USH2A: variants seen among roughly 807,000 people sequenced by gnomAD.
USH2A encodes Usher syndrome 2A (autosomal recessive, mild).
USH2A carries 443 observed loss-of-function variants against 538.9 expected under a neutral mutation model. That is an observed-to-expected ratio of 0.82 (90% CI 0.76 to 0.89). The LOEUF is 0.89. Ranked by LOEUF, USH2A falls within the 40% of genes least tolerant of loss-of-function variation. The pLI is 0.00. For synonymous variants in USH2A, 2,413 were observed against 2,273.5 expected (o/e 1.06, Z -1.75); for missense variants, 6,633 against 6,324.8 (o/e 1.05, Z -1.65).
chr1:216,294,275 TA>T (rs2037061448), intron 9 of USH2A, among the ~76,000 whole-genome samples: 1 of 152,076 alleles, frequency 6.6e-6, no homozygotes, highest in African/African-American at 2.4e-5. Context: ...GGTAGAAAAT[TA>T]AAAGCACTGG....
chr1:216,413,758 G>A (rs2039531077), intron 3 of USH2A, among the ~76,000 whole-genome samples: 1 of 152,010 alleles, frequency 6.6e-6, no homozygotes, highest in Admixed American at 6.6e-5. Context: ...ATGTGAACAA[G>A]CCCAATGCTA....
chr1:215,805,823 A>T (rs4418568), intron 49 of USH2A, among the ~76,000 whole-genome samples: 9,812 of 149,690 alleles, frequency 0.066, 388 homozygotes, highest in Non-Finnish European at 0.088. Context: ...AAGAAAAAAA[A>T]TTCAGACCAC....
chr1:215,836,497 T>TAA (rs1229006507), intron 47 of USH2A, among the ~76,000 whole-genome samples: 1 of 16,828 alleles, frequency 5.9e-5, no homozygotes, highest in Admixed American at 1.6e-3. Context: ...ATTATATATA[T>TAA]AATATATATT....
intron 32 of USH2A, among the ~76,000 whole-genome samples, chr1:216,016,327 G>T (rs745644787): frequency 5.4e-4 from 82 of 151,880 alleles, no homozygotes; most frequent in Non-Finnish European, 1.0e-3. Context: ...ATGTACCCTA[G>T]AACTTAAAGT....
chr1:216,182,833 A>G (rs1186188435), intron 20 of USH2A, among the ~76,000 whole-genome samples: 1 of 152,056 alleles, frequency 6.6e-6, no homozygotes, highest in African/African-American at 2.4e-5. Context: ...AAGCTGCCAG[A>G]TCCCAGTTCC....
intron 35 of USH2A, among the ~76,000 whole-genome samples, chr1:215,990,612 G>C (rs1213429054): frequency 6.6e-6 from 1 of 152,070 alleles, no homozygotes; most frequent in Non-Finnish European, 1.5e-5. Context: ...AGTTCACATA[G>C]TCAAGAGAAG....
chr1:216,406,608 T>C (rs1388823757), intron 3 of USH2A, among the ~76,000 whole-genome samples: 1 of 152,310 alleles, frequency 6.6e-6, no homozygotes, highest in East Asian at 1.9e-4. Context: ...GTTTCTTTAA[T>C]ATTTATAAAT....
intron 60 of USH2A, among the ~76,000 whole-genome samples, chr1:215,732,415 T>C (rs1158494245): frequency 6.6e-6 from 1 of 152,212 alleles, no homozygotes; most frequent in African/African-American, 2.4e-5. Context: ...TTTTATATTC[T>C]AGTTATCATC....
At chr1:216,420,870 T>A (rs1205241616) in intron 2 of USH2A, among the ~76,000 whole-genome samples, 9 of 152,140 alleles carry the variant, frequency 5.9e-5, no homozygotes, top group African/African-American at 2.2e-4. Flanking sequence ...CTTGGCAAAT[T>A]GAAACTAAAC....
At chr1:216,166,438 G>A (rs770711716) in intron 21 of USH2A, among the ~76,000 whole-genome samples, 26 of 152,116 alleles carry the variant, frequency 1.7e-4, no homozygotes, top group Non-Finnish European at 3.4e-4. Flanking sequence ...GGCATCTCTC[G>A]CTGGGAAACC....
At chr1:215,734,866 G>A (rs978876542) in intron 60 of USH2A, among the ~76,000 whole-genome samples, 1 of 152,196 alleles carries the variant, frequency 6.6e-6, no homozygotes, top group African/African-American at 2.4e-5. Context: ...TCAGCATTTT[G>A]GTGAGAACCA....
chr1:216,217,302 T>C, intron 15 of USH2A, 85 bp downstream of exon 15: 1 of 1,559,714 alleles, frequency 6.4e-7, no homozygotes, highest in South Asian at 1.2e-5. Context: ...TTCTGATGGG[T>C]TCTAAATGGA....
rs1017844911 is a variant in USH2A, at chr1:215,722,275, C to T, written c.12066+5755G>A. Among the ~76,000 whole-genome samples, 2 of 152,014 alleles carry T rather than the reference C, an allele frequency of 1.3e-5. 1 individual carries two copies. The highest frequency in any genetic ancestry group is 1.3e-4 in the Admixed American group (2 of 15,258). On this transcript the variant is annotated intron_variant, in intron 61 of 71. Coordinates refer to ENST00000307340, the MANE Select transcript of USH2A (RefSeq NM_206933.4). ...TTCTTCACATTAGAAAGATAGTCAC[C>T]AAAGGAGTCCTTTTAGAAAGCTACA...
chr1:215,907,088 T>C (rs1665658258), intron 38 of USH2A, among the ~76,000 whole-genome samples: 2 of 151,970 alleles, frequency 1.3e-5, no homozygotes, highest in Non-Finnish European at 2.9e-5. Context: ...TGGAAAGCTC[T>C]TTCTGATGTA....
chr1:216,046,577 T>TG lies in USH2A; in HGVS notation c.6178dup (p.Gln2060ProfsTer43), dbSNP rs1553294144. 6.2e-7 allele frequency: 1 copy of TG among 1,613,854 alleles called. No individual in the cohort carries two copies. The highest frequency in any genetic ancestry group is 8.5e-7 in the Non-Finnish European group (1 of 1,179,756). ...GGGAAGGGATTTGGCTACTGGTGGC[T>TG]GAACCTCTTGTGGGGCTGTGGAAGA... On this transcript the variant is annotated frameshift_variant, in exon 32 of 72. Coordinates refer to ENST00000307340, the MANE Select transcript of USH2A (RefSeq NM_206933.4). LOFTEE classifies it high-confidence loss of function.
chr1:216,322,066 T>C lies in USH2A; in HGVS notation c.1551-90A>G, dbSNP rs564655335. 9.2e-5 allele frequency: 114 copies of C among 1,240,262 alleles called. 2 individuals are homozygous for C. The East Asian group carries it at 2.6e-3, about 29-fold the overall frequency. The allele number at this position is 1,240,262 out of a possible 1,614,324, so 76.8% of individuals were successfully genotyped here. On this transcript the variant is annotated intron_variant, in intron 8 of 71. Transcript: ENST00000307340. ...CTAGGACTATATGCATTATGTGAATTTAACAGGGAAGATTTTTGTATATTT... is the reference window on the plus strand; with the variant it reads ...CTAGGACTATATGCATTATGTGAATCTAACAGGGAAGATTTTTGTATATTT...
chr1:215,984,785 AT>A (rs1667833675), intron 35 of USH2A, among the ~76,000 whole-genome samples: 1 of 152,200 alleles, frequency 6.6e-6, no homozygotes, highest in African/African-American at 2.4e-5. Flanking sequence ...CTCCAAACAT[AT>A]TTGTTTGTCT....
chr1:216,389,061 T>C (rs1030030783), intron 3 of USH2A, among the ~76,000 whole-genome samples: 1 of 152,228 alleles, frequency 6.6e-6, no homozygotes, highest in African/African-American at 2.4e-5. Flanking sequence ...GGGCCATTTC[T>C]GGAAGAGCTA....
chr1:215,817,524 C>T (rs1662892567), intron 47 of USH2A, among the ~76,000 whole-genome samples: 1 of 151,848 alleles, frequency 6.6e-6, no homozygotes, highest in Admixed American at 6.6e-5. Context: ...GAACATGTGG[C>T]AACTTAATGC....
Sources: gnomAD v4.1 joint callset for allele counts (sites outside exome capture counted in the v4.1 genomes callset) on GRCh38, gnomAD v4.1.1 for gene constraint, MANE v1.5 for transcripts, NCBI Gene and HGNC (gene_info 2026-07-23, HGNC 2026-07-21) for gene names.